OPRM1: variants seen among roughly 807,000 people sequenced by gnomAD.
OPRM1 encodes opioid receptor mu 1, also known as mu-type opioid receptor.
In OPRM1, 27 loss-of-function variants were observed where a neutral mutation model predicts 31.8. The ratio of observed to expected loss-of-function variants is 0.85; its 90% CI spans 0.63 to 1.17. The LOEUF (loss-of-function observed/expected upper bound fraction) is 1.17, where lower values mean the gene tolerates loss of function less well. Among genes scored for constraint, OPRM1 ranks in the 50% most tolerant of loss-of-function variants. The pLI is 0.00. For missense variants in OPRM1, 536 were observed against 511.1 expected (o/e 1.05, Z -0.47); for synonymous variants, 196 against 189.9 (o/e 1.03, Z -0.26).
intron 3 of OPRM1, among the ~76,000 whole-genome samples, chr6:154,152,340 AAAGAAAGGAAAGAAAGAAAG>A (rs1798541879): frequency 1.0e-4 from 1 of 9,816 alleles, no homozygotes; most frequent in African/African-American, 2.4e-4. Context: ...AGAAAGAAAG[AAAGAAAGGAAAGAAAGAAAG>A]AAAGAAAGAA....
At chr6:154,047,824 G>A (rs950158558) in intron 1 of OPRM1, among the ~76,000 whole-genome samples, 1 of 152,156 alleles carries the variant, frequency 6.6e-6, no homozygotes, top group African/African-American at 2.4e-5. Context: ...CCATAGCCTG[G>A]GTGGCTTACA....
chr6:154,100,997 G>A (rs936630373), intron 3 of OPRM1, among the ~76,000 whole-genome samples: 3 of 150,436 alleles, frequency 2.0e-5, no homozygotes, highest in Admixed American at 6.6e-5. Flanking sequence ...GTCCCTTGAA[G>A]TGTAAAAAGT....
chr6:154,195,032 C>G (rs897037211), intron 3 of OPRM1, among the ~76,000 whole-genome samples: 5 of 152,120 alleles, frequency 3.3e-5, no homozygotes, highest in Non-Finnish European at 7.4e-5. Flanking sequence ...CCCTTCCTTC[C>G]CGTCTCCACT....
At chr6:154,077,382 T>A (rs898292098) in intron 1 of OPRM1, among the ~76,000 whole-genome samples, 1 of 151,398 alleles carries the variant, frequency 6.6e-6, no homozygotes, top group Non-Finnish European at 1.5e-5. Flanking sequence ...CCTCCCAAAG[T>A]GCTGGGATTA....
intron 3 of OPRM1, among the ~76,000 whole-genome samples, chr6:154,183,293 A>C (rs983001267): frequency 2.6e-5 from 4 of 152,250 alleles, no homozygotes; most frequent in African/African-American, 9.6e-5. Flanking sequence ...TTATCTTTTC[A>C]AGATGGCGCT....
At chr6:154,216,130 T>C (rs1414105822) in intron 3 of OPRM1, among the ~76,000 whole-genome samples, 1 of 152,050 alleles carries the variant, frequency 6.6e-6, no homozygotes, top group East Asian at 1.9e-4. Flanking sequence ...TAAATATCAA[T>C]CCTATAGAAA....
At chr6:154,208,240 C>T (rs750815725) in intron 3 of OPRM1, among the ~76,000 whole-genome samples, 9 of 152,138 alleles carry the variant, frequency 5.9e-5, no homozygotes, top group African/African-American at 1.2e-4. Flanking sequence ...GTTCACCCCG[C>T]GTCAGCCACA....
At chr6:154,205,527 G>A (rs373581516) in intron 3 of OPRM1, among the ~76,000 whole-genome samples, 122 of 152,214 alleles carry the variant, frequency 8.0e-4, no homozygotes, top group African/African-American at 2.7e-3. Flanking sequence ...CCCAGGAGGC[G>A]GAAGTTGCAG....
At chr6:154,147,367 G>C (rs1798386222) in intron 3 of OPRM1, among the ~76,000 whole-genome samples, 1 of 152,180 alleles carries the variant, frequency 6.6e-6, no homozygotes, top group African/African-American at 2.4e-5. Context: ...AACTACAGCT[G>C]TGTGGTACAA....
At chr6:154,213,274 G>A in intron 3 of OPRM1, 1 of 190,564 alleles carries the variant, frequency 5.2e-6, no homozygotes, top group Non-Finnish European at 1.1e-5. Flanking sequence ...GAGGGAGCAG[G>A]CTGGGCCAAG....
At chr6:154,104,658 T>C (rs1312858615) in intron 3 of OPRM1, among the ~76,000 whole-genome samples, 3 of 152,244 alleles carry the variant, frequency 2.0e-5, no homozygotes, top group Admixed American at 6.5e-5. Flanking sequence ...CTCTCTCTAG[T>C]TTCCCATTTT....
intron 3 of OPRM1, among the ~76,000 whole-genome samples, chr6:154,180,415 T>TATATATATATATA (rs1491475267): frequency 6.1e-4 from 18 of 29,334 alleles, no homozygotes; most frequent in East Asian, 3.9e-3. Flanking sequence ...TATATATATA[T>TATATATATATATA]TTTTTTTTTA....
intron 1 of OPRM1, among the ~76,000 whole-genome samples, chr6:154,042,874 A>G (rs1780358983): frequency 2.0e-5 from 3 of 152,232 alleles, no homozygotes; most frequent in Admixed American, 2.0e-4. Flanking sequence ...AAAATACTAC[A>G]AACAGTAGCA....
At chr6:154,172,120 C>T (rs963282475) in intron 3 of OPRM1, among the ~76,000 whole-genome samples, 11 of 152,172 alleles carry the variant, frequency 7.2e-5, no homozygotes, top group African/African-American at 2.7e-4. Context: ...ATATTTTTGA[C>T]TAAAACATTT....
chr6:154,069,410 T>C (rs2128450316), intron 1 of OPRM1, among the ~76,000 whole-genome samples: 1 of 152,258 alleles, frequency 6.6e-6, no homozygotes, highest in South Asian at 2.1e-4. Context: ...AGCTAATTTT[T>C]GTATTTTTAG....
chr6:154,172,967 A>G (rs1389636559), intron 3 of OPRM1, among the ~76,000 whole-genome samples: 1 of 152,200 alleles, frequency 6.6e-6, no homozygotes, highest in South Asian at 2.1e-4. Flanking sequence ...TTCCAGAGGA[A>G]GGATCAGGCA....
At chr6:154,227,520 A>T (rs571442581) in intron 3 of OPRM1, among the ~76,000 whole-genome samples, 7 of 152,006 alleles carry the variant, frequency 4.6e-5, no homozygotes, top group Non-Finnish European at 1.0e-4. Context: ...AGAGTTCAAG[A>T]CCAGCCTGGG....
rs561667839 is a variant in OPRM1, at chr6:154,219,067, G to A, written c.1165-27626G>A. The A allele has an allele frequency of 1.3e-4, 20 of 152,260 alleles. 2 individuals carry two copies. The highest frequency in any genetic ancestry group is 6.2e-4 in the South Asian group (3 of 4,824). The allele number at this position is 152,260 out of a possible 1,614,324, so 9.4% of individuals were successfully genotyped here. A position where few individuals can be genotyped will look rare whatever the true frequency, so the allele number is the denominator to read the frequency against. ...TTACCATTAGATAGGTTTCTGCAAAGGGAGAACATAAAATTGGAAGATAAA... is the reference window on the plus strand; with the variant it reads ...TTACCATTAGATAGGTTTCTGCAAAAGGAGAACATAAAATTGGAAGATAAA... On this transcript the variant is annotated intron_variant, in intron 3 of 3. Coordinates refer to the OPRM1 transcript ENST00000337049.
chr6:154,207,260 T>C (rs1777579152), intron 3 of OPRM1, among the ~76,000 whole-genome samples: 1 of 152,122 alleles, frequency 6.6e-6, no homozygotes. Flanking sequence ...GAGGCAAAAA[T>C]ATAAACACGA....
Sources: gnomAD v4.1 joint callset for allele counts (sites outside exome capture counted in the v4.1 genomes callset) on GRCh38, gnomAD v4.1.1 for gene constraint, MANE v1.5 for transcripts, NCBI Gene and HGNC (gene_info 2026-07-23, HGNC 2026-07-21) for gene names.